NOS1AP: variants seen among roughly 807,000 people sequenced by gnomAD.
The protein encoded by NOS1AP is carboxyl-terminal PDZ ligand of neuronal nitric oxide synthase protein.
NOS1AP carries 21 observed loss-of-function variants against 56.2 expected under a neutral mutation model. The ratio of observed to expected loss-of-function variants is 0.37; its 90% CI spans 0.26 to 0.54. NOS1AP has a LOEUF of 0.54. Among genes scored for constraint, NOS1AP ranks in the 20% least tolerant of loss-of-function variants. The pLI, the probability that NOS1AP is intolerant of heterozygous loss-of-function variation, is 0.84. For synonymous variants in NOS1AP, 270 were observed against 274.6 expected (o/e 0.98, Z 0.17); for missense variants, 522 against 657.8 (o/e 0.79, Z 2.26).
At chr1:162,292,304 T>C (rs559507480) in intron 3 of NOS1AP, among the ~76,000 whole-genome samples, 1 of 152,350 alleles carries the variant, frequency 6.6e-6, no homozygotes, top group South Asian at 2.1e-4. Context: ...CCTCAAATCT[T>C]ATTTCATCTG....
At chr1:162,291,561 A>G (rs61808515) in intron 3 of NOS1AP, among the ~76,000 whole-genome samples, 125 of 152,180 alleles carry the variant, frequency 8.2e-4, no homozygotes, top group Non-Finnish European at 1.6e-3. Context: ...ATTCCATAGT[A>G]TTAATTGTAG....
chr1:162,280,167 G>C (rs1399628817), intron 2 of NOS1AP, among the ~76,000 whole-genome samples: 1 of 152,050 alleles, frequency 6.6e-6, no homozygotes, highest in Non-Finnish European at 1.5e-5. Context: ...AAATAATAAA[G>C]AAATATTTCA....
intron 1 of NOS1AP, among the ~76,000 whole-genome samples, chr1:162,105,754 C>T (rs527586788): frequency 1.3e-5 from 2 of 152,334 alleles, no homozygotes; most frequent in African/African-American, 4.8e-5. Context: ...TTCAAAGCCA[C>T]CAGGCTGAAA....
intron 2 of NOS1AP, among the ~76,000 whole-genome samples, chr1:162,202,567 G>A (rs1032923952): frequency 2.0e-5 from 3 of 152,096 alleles, no homozygotes; most frequent in South Asian, 4.2e-4. Flanking sequence ...TTCCTCTAAT[G>A]TGGGCCATTA....
intron 2 of NOS1AP, among the ~76,000 whole-genome samples, chr1:162,210,661 C>T (rs938238886): frequency 2.0e-5 from 3 of 152,168 alleles, no homozygotes; most frequent in Admixed American, 6.5e-5. Context: ...TCCAGATACT[C>T]GCCTGCTTCA....
At chr1:162,352,058 G>T (rs433812) in intron 6 of NOS1AP, among the ~76,000 whole-genome samples, 138,031 of 151,720 alleles carry the variant, frequency 0.91, 63,691 homozygotes, top group Middle Eastern at 0.99. Context: ...CTGCTTCTTC[G>T]TCCTCTTTTT....
chr1:162,101,479 G>T (rs1558098814), intron 1 of NOS1AP, among the ~76,000 whole-genome samples: 1 of 152,138 alleles, frequency 6.6e-6, no homozygotes, highest in African/African-American at 2.4e-5. Flanking sequence ...GAATGTCAAT[G>T]GTAGTTTAAT....
intron 1 of NOS1AP, among the ~76,000 whole-genome samples, chr1:162,110,239 A>G (rs2102039748): frequency 6.9e-6 from 1 of 144,018 alleles, no homozygotes; most frequent in African/African-American, 2.9e-5. Flanking sequence ...TTTTAGGAAG[A>G]GTTTTTGCCC....
chr1:162,168,687 C>G (rs1024135310), intron 2 of NOS1AP, among the ~76,000 whole-genome samples: 1 of 152,194 alleles, frequency 6.6e-6, no homozygotes, highest in African/African-American at 2.4e-5. Context: ...CTTTCCCTTG[C>G]TCTCTTTCTT....
chr1:162,142,739 A>G (rs1558119496), intron 1 of NOS1AP, among the ~76,000 whole-genome samples: 1 of 152,198 alleles, frequency 6.6e-6, no homozygotes, highest in African/African-American at 2.4e-5. Flanking sequence ...CAAAAGGTGT[A>G]GTATTAATAG....
Position 162,235,461 on chromosome 1 carries a change from C to G in NOS1AP, c.178-51883C>G, listed in dbSNP as rs547695171. 2.6e-5 allele frequency among the ~76,000 whole-genome samples: 4 copies of G among 152,332 alleles called. No individual in the cohort carries two copies. The East Asian group carries it at 7.7e-4, about 29-fold the overall frequency. ...TCCCTGATCTCTGCACCTTGCAGGT[C>G]CTCACTGTTGCGCATACCTGGAAAG... On this transcript the variant is annotated intron_variant, in intron 2 of 9. Transcript: ENST00000361897.
chr1:162,367,044 C>G lies in NOS1AP; in HGVS notation c.1106-8C>G, dbSNP rs763566924. 6.2e-7 allele frequency: 1 copy of G among 1,613,874 alleles called. No individual in the cohort carries two copies. The highest frequency in any genetic ancestry group is 1.1e-5 in the South Asian group (1 of 91,086). On this transcript the variant is annotated splice_region_variant and splice_polypyrimidine_tract_variant and intron_variant, in intron 9 of 9. Coordinates refer to ENST00000361897, the MANE Select transcript of NOS1AP (RefSeq NM_014697.3). The surrounding 1 kb of genome is among the most constrained non-coding windows in gnomAD (Gnocchi z 6.5). ...CTGCCCCTCTGCTACCTCTTGTCTCCCCTGCAGTGGGCTCCCAGGACAGCT... is the reference window on the plus strand; with the variant it reads ...CTGCCCCTCTGCTACCTCTTGTCTCGCCTGCAGTGGGCTCCCAGGACAGCT...
At chr1:162,268,084 C>A (rs1245849577) in intron 2 of NOS1AP, among the ~76,000 whole-genome samples, 2 of 151,998 alleles carry the variant, frequency 1.3e-5, no homozygotes, top group Non-Finnish European at 1.5e-5. Flanking sequence ...TACATTAAAA[C>A]CCCTTCTCTA....
At chr1:162,089,504 T>C (rs1692080924) in intron 1 of NOS1AP, among the ~76,000 whole-genome samples, 1 of 152,200 alleles carries the variant, frequency 6.6e-6, no homozygotes, top group African/African-American at 2.4e-5. Context: ...ATACTCTGAG[T>C]AATGGTCCCT....
intron 5 of NOS1AP, among the ~76,000 whole-genome samples, chr1:162,336,549 CAT>C (rs1656946137): frequency 6.6e-6 from 1 of 152,120 alleles, no homozygotes; most frequent in African/African-American, 2.4e-5. Context: ...CTTTTTTCCT[CAT>C]AGTATCTTTT....
At chr1:162,231,306 G>C (rs945021318) in intron 2 of NOS1AP, among the ~76,000 whole-genome samples, 1 of 152,128 alleles carries the variant, frequency 6.6e-6, no homozygotes, top group Non-Finnish European at 1.5e-5. Flanking sequence ...GTCTACTCAA[G>C]TCTTCTGCCC....
intron 2 of NOS1AP, among the ~76,000 whole-genome samples, chr1:162,158,089 C>T (rs1005828568): frequency 1.3e-4 from 20 of 152,124 alleles, no homozygotes; most frequent in Non-Finnish European, 5.9e-5. Flanking sequence ...ACTGTTGTGT[C>T]ACAGATCTCT....
chr1:162,136,377 C>T (rs1649005008), intron 1 of NOS1AP, among the ~76,000 whole-genome samples: 2 of 152,156 alleles, frequency 1.3e-5, no homozygotes, highest in African/African-American at 4.8e-5. Flanking sequence ...TATCTAACCT[C>T]TTCTAATTCT....
intron 2 of NOS1AP, among the ~76,000 whole-genome samples, chr1:162,234,765 T>G (rs895918515): frequency 6.6e-6 from 1 of 152,174 alleles, no homozygotes; most frequent in Non-Finnish European, 1.5e-5. Context: ...CAGTGCTCTG[T>G]TGCAGGACCA....
Sources: gnomAD v4.1 joint callset for allele counts (sites outside exome capture counted in the v4.1 genomes callset) on GRCh38, gnomAD v4.1.1 for gene constraint, Gnocchi (gnomAD v3.1) non-coding constraint, MANE v1.5 for transcripts, NCBI Gene and HGNC (gene_info 2026-07-23, HGNC 2026-07-21) for gene names.